ARHGEF28: variants seen among roughly 807,000 people sequenced by gnomAD.
The protein encoded by ARHGEF28 is Rho guanine nucleotide exchange factor 28, also known as 190 kDa guanine nucleotide exchange factor.
In ARHGEF28, 152 loss-of-function variants were observed where a neutral mutation model predicts 206.6. The observed-to-expected ratio is 0.74, with a 90% CI of 0.64 to 0.84. The LOEUF is 0.84. Ranked by LOEUF, ARHGEF28 falls within the 40% of genes least tolerant of loss-of-function variation. ARHGEF28 has a pLI of 0.00. For synonymous variants in ARHGEF28, 763 were observed against 776.4 expected, an observed-to-expected ratio of 0.98 and a Z score of 0.29; for missense variants, 2,028 against 2,073.2, an observed-to-expected ratio of 0.98 and a Z score of 0.42.
intron 4 of ARHGEF28, among the ~76,000 whole-genome samples, chr5:73,764,388 T>A (rs763597727): frequency 6.6e-6 from 1 of 152,240 alleles, no homozygotes; most frequent in South Asian, 2.1e-4. Context: ...GAAATTCTGA[T>A]GAAGACTTTT....
intron 25 of ARHGEF28, among the ~76,000 whole-genome samples, chr5:73,886,751 A>T (rs1761324834): frequency 6.6e-6 from 1 of 152,168 alleles, no homozygotes; most frequent in Non-Finnish European, 1.5e-5. Flanking sequence ...AAACATTACG[A>T]ATGCTCATGT....
At chr5:73,917,245 T>C (rs892766953) in intron 35 of ARHGEF28, among the ~76,000 whole-genome samples, 1 of 152,196 alleles carries the variant, frequency 6.6e-6, no homozygotes, top group Non-Finnish European at 1.5e-5. Context: ...GAGATATATA[T>C]AGGAGTCTGA....
intron 1 of ARHGEF28, among the ~76,000 whole-genome samples, chr5:73,649,305 G>A (rs1056017769): frequency 2.6e-5 from 4 of 152,132 alleles, no homozygotes; most frequent in Non-Finnish European, 4.4e-5. Flanking sequence ...AGTGGAAGGG[G>A]GACAGGAGCC....
Position 73,666,263 on chromosome 5 carries a change from G to C in ARHGEF28, c.-11-18578G>C, listed in dbSNP as rs187794907. ...CCCACACCTTTGGCACACTGGGGTG[G>C]GGGTTGGACCTCCAAGGTCTCAGGA... On this transcript the variant is annotated intron_variant, in intron 1 of 35. Coordinates refer to ENST00000513042, the MANE Select transcript of ARHGEF28 (RefSeq NM_001177693.2). 1.4e-4 allele frequency among the ~76,000 whole-genome samples: 21 copies of C among 152,298 alleles called. No homozygotes were observed. In the East Asian group the frequency reaches 3.1e-3, roughly 22 times the overall value.
chr5:73,647,444 A>G (rs981725024), intron 1 of ARHGEF28, among the ~76,000 whole-genome samples: 17 of 152,156 alleles, frequency 1.1e-4, no homozygotes, highest in Admixed American at 7.2e-4. Flanking sequence ...ACATACTCAC[A>G]CCTAACTTCA....
chr5:73,847,332 T>C (rs377040647), intron 12 of ARHGEF28, among the ~76,000 whole-genome samples: 1 of 152,200 alleles, frequency 6.6e-6, no homozygotes, highest in African/African-American at 2.4e-5. Flanking sequence ...TAAGTAGTGC[T>C]TTTATTTAAT....
chr5:73,755,905 C>A (rs1447835188), intron 4 of ARHGEF28, among the ~76,000 whole-genome samples: 1 of 152,166 alleles, frequency 6.6e-6, no homozygotes, highest in Non-Finnish European at 1.5e-5. Flanking sequence ...GAGGTCCTTT[C>A]TGACCCCTCT....
chr5:73,898,093 T>C lies in ARHGEF28; in HGVS notation c.3973T>C (p.Ser1325Pro). Residue 1325 changes from serine to proline, a missense_variant and splice_region_variant, in exon 30 of 36, where the codon TCA becomes CCA. This residue lies in a region of ARHGEF28 where 803 missense variants were observed against 768.0 expected (regional missense o/e 1.05). Transcript: ENST00000513042. ...SHDVPGSPTA[S>P]LVTGGREGRG... ...TGATGTACCAGGATCACCGACTGCCTGTAAGTGAAAATGCAGGCCTTGGCA... is the reference window on the plus strand; with the variant it reads ...TGATGTACCAGGATCACCGACTGCCCGTAAGTGAAAATGCAGGCCTTGGCA... 1 of 1,610,832 alleles carries C rather than the reference T, an allele frequency of 6.2e-7. No individual in the cohort carries two copies. Among genetic ancestry groups the C allele is most frequent in the Non-Finnish European group, 8.5e-7 (1 of 1,178,474 alleles).
intron 14 of ARHGEF28, among the ~76,000 whole-genome samples, chr5:73,855,683 G>A (rs1758981639): frequency 6.6e-6 from 1 of 150,810 alleles, no homozygotes; most frequent in African/African-American, 2.4e-5. Flanking sequence ...AGTGAGCCAA[G>A]ATCACGCCAT....
At chr5:73,806,565 A>C (rs1006699188) in intron 9 of ARHGEF28, among the ~76,000 whole-genome samples, 3 of 138,806 alleles carry the variant, frequency 2.2e-5, no homozygotes, top group African/African-American at 5.4e-5. Flanking sequence ...GTATATATCT[A>C]TATATAGTAT....
chr5:73,760,623 C>A (rs1752552288), intron 4 of ARHGEF28, among the ~76,000 whole-genome samples: 1 of 152,124 alleles, frequency 6.6e-6, no homozygotes, highest in Non-Finnish European at 1.5e-5. Context: ...TTACAGTTCT[C>A]AGCTATATAT....
intron 2 of ARHGEF28, among the ~76,000 whole-genome samples, chr5:73,730,818 T>C (rs1437999111): frequency 6.6e-6 from 1 of 152,208 alleles, no homozygotes; most frequent in Non-Finnish European, 1.5e-5. Context: ...AAATTTATTC[T>C]CTAGTTTATC....
At chr5:73,746,154 T>C (rs1178307063) in intron 2 of ARHGEF28, among the ~76,000 whole-genome samples, 2 of 152,148 alleles carry the variant, frequency 1.3e-5, no homozygotes, top group East Asian at 3.8e-4. Flanking sequence ...GACAACTTGT[T>C]CATATTTTTG....
chr5:73,825,480 C>T (rs567519318), intron 9 of ARHGEF28, among the ~76,000 whole-genome samples: 8 of 151,896 alleles, frequency 5.3e-5, no homozygotes, highest in African/African-American at 9.7e-5. Flanking sequence ...GGGCAGGCAA[C>T]GGGAGGCACT....
At chr5:73,743,659 AATCAG>A (rs150342137) in intron 2 of ARHGEF28, among the ~76,000 whole-genome samples, 13,320 of 152,100 alleles carry the variant, frequency 0.088, 1,911 homozygotes, top group African/African-American at 0.3. Context: ...ACATGCTTCA[AATCAG>A]ATCAGGGGTT....
At chr5:73,800,616 C>T (rs116464664) in intron 9 of ARHGEF28, among the ~76,000 whole-genome samples, 3,127 of 151,670 alleles carry the variant, frequency 0.021, 123 homozygotes, top group African/African-American at 0.07. Flanking sequence ...GAAGGAAACC[C>T]AACTTCATAC....
intron 35 of ARHGEF28, among the ~76,000 whole-genome samples, chr5:73,920,495 G>A (rs995440972): frequency 4.0e-5 from 6 of 151,082 alleles, no homozygotes; most frequent in Non-Finnish European, 7.4e-5. Flanking sequence ...TTGTTGCATA[G>A]GTATACATGT....
intron 2 of ARHGEF28, among the ~76,000 whole-genome samples, chr5:73,741,769 A>T (rs1048367330): frequency 7.2e-5 from 11 of 152,020 alleles, no homozygotes; most frequent in Non-Finnish European, 1.5e-4. Flanking sequence ...GGTTTGAATA[A>T]TGGGTATCTT....
chr5:73,749,962 C>T lies in ARHGEF28; in HGVS notation c.159C>T (p.Asn53=), dbSNP rs765529857. ...HVMIAERIED[N]VLQSSVPGHG... The stretch of plus-strand genomic sequence containing the variant: ...TGATTGCAGAGCGCATCGAGGATAA[C>T]GTTCTCCAGTCCAGCGTCCCAGGTG... Residue 53 remains asparagine (N), a synonymous_variant, in exon 3 of 36, where the codon AAC becomes AAT. Coordinates refer to ENST00000513042, the MANE Select transcript of ARHGEF28 (RefSeq NM_001177693.2). 5.6e-6 allele frequency: 9 copies of T among 1,613,934 alleles called. No individual in the cohort carries two copies. Among genetic ancestry groups the T allele is most frequent in the South Asian group, 1.1e-5 (1 of 91,066 alleles).
Sources: gnomAD v4.1 joint callset for allele counts (sites outside exome capture counted in the v4.1 genomes callset) on GRCh38, gnomAD v4.1.1 for gene constraint, gnomAD v4.1.1 regional missense constraint, MANE v1.5 for transcripts, NCBI Gene and HGNC (gene_info 2026-07-23, HGNC 2026-07-21) for gene names.